The following ESR1 variants were observed in gnomAD, a reference collection of about 807,000 sequenced individuals.
ESR1 encodes estrogen receptor.
Under a neutral mutation model 52.7 loss-of-function variants are expected in ESR1, and 12 were observed. That is an observed-to-expected ratio of 0.23 (90% confidence interval 0.15 to 0.37). The LOEUF is 0.37. Ranked by LOEUF, ESR1 falls within the 10% of genes least tolerant of loss-of-function variation. ESR1 has a pLI of 1.00. For synonymous variants in ESR1, 305 were observed against 316.8 expected (o/e 0.96, Z 0.39); for missense variants, 584 against 779.7 (o/e 0.75, Z 2.99).
At chr6:151,882,629 T>C (rs1292333155) in intron 3 of ESR1, among the ~76,000 whole-genome samples, 1 of 152,164 alleles carries the variant, frequency 6.6e-6, no homozygotes, top group African/African-American at 2.4e-5. Context: ...GGCGATTATA[T>C]GTAGGTTAAG....
At chr6:151,934,872 G>A (rs1250749057) in intron 3 of ESR1, among the ~76,000 whole-genome samples, 1 of 152,152 alleles carries the variant, frequency 6.6e-6, no homozygotes, top group East Asian at 1.9e-4. Context: ...ATCAGTAGAG[G>A]CTCTGGCTTA....
intron 2 of ESR1, among the ~76,000 whole-genome samples, chr6:151,791,598 G>A (rs1443329453): frequency 6.6e-6 from 1 of 152,134 alleles, no homozygotes; most frequent in East Asian, 1.9e-4. Context: ...CATGCTGTGG[G>A]CTGAGCTGGG....
intron 1 of ESR1, among the ~76,000 whole-genome samples, chr6:151,684,570 A>T (rs553638486): frequency 6.6e-6 from 1 of 152,320 alleles, no homozygotes; most frequent in East Asian, 1.9e-4. Context: ...CAAACAAGGG[A>T]TGGAGGCTGG....
At chr6:151,935,114 C>T (rs1187871675) in intron 3 of ESR1, among the ~76,000 whole-genome samples, 1 of 152,168 alleles carries the variant, frequency 6.6e-6, no homozygotes, top group Non-Finnish European at 1.5e-5. Flanking sequence ...ATAGCACCTG[C>T]CTTGTGGCTT....
Position 151,975,450 on chromosome 6 carries a change from G to A in ESR1, c.1096+30942G>A, listed in dbSNP as rs9397073. ...CAGAACCAGTAGGATCAATTGATTG[G>A]TCAATCAATCAATCAAGACAAAAAG... On this transcript the variant is annotated intron_variant, in intron 4 of 7. Coordinates refer to ENST00000206249, the MANE Select transcript of ESR1 (RefSeq NM_000125.4). 6.1e-3 allele frequency among the ~76,000 whole-genome samples: 929 copies of A among 152,034 alleles called. 10 individuals are homozygous for A. The highest frequency in any genetic ancestry group is 0.017 in the African/African-American group (709 of 41,446).
At chr6:151,848,929 C>T (rs1785754642) in intron 2 of ESR1, among the ~76,000 whole-genome samples, 1 of 152,104 alleles carries the variant, frequency 6.6e-6, no homozygotes, top group Admixed American at 6.6e-5. Flanking sequence ...CACTGTACTC[C>T]AGGCACACCA....
intron 3 of ESR1, among the ~76,000 whole-genome samples, chr6:151,908,827 T>G (rs1797832806): frequency 6.6e-6 from 1 of 152,146 alleles, no homozygotes; most frequent in Non-Finnish European, 1.5e-5. Context: ...TGAATGTGTT[T>G]TCTTAAGGCC....
chr6:151,962,688 G>A (rs909107927), intron 4 of ESR1, among the ~76,000 whole-genome samples: 5 of 152,130 alleles, frequency 3.3e-5, no homozygotes, highest in Admixed American at 2.0e-4. Context: ...TTGATCTCTG[G>A]TGTTCTGAAA....
intron 5 of ESR1, among the ~76,000 whole-genome samples, chr6:152,043,866 G>T (rs1330481836): frequency 6.6e-6 from 1 of 152,158 alleles, no homozygotes; most frequent in Non-Finnish European, 1.5e-5. Context: ...ACCTGGCAAG[G>T]CTGTGCACGT....
intron 2 of ESR1, among the ~76,000 whole-genome samples, chr6:151,863,516 T>C (rs1474595961): frequency 6.6e-6 from 1 of 152,226 alleles, no homozygotes; most frequent in African/African-American, 2.4e-5. Context: ...TTTGCTGAAG[T>C]TGCTTATCAG....
intron 1 of ESR1, among the ~76,000 whole-genome samples, chr6:151,700,530 A>G (rs1779690314): frequency 6.6e-6 from 1 of 152,134 alleles, no homozygotes; most frequent in Admixed American, 6.6e-5. Context: ...CTTCTATTTG[A>G]TATGGAAACC....
At chr6:151,913,650 T>C (rs1798620755) in intron 3 of ESR1, among the ~76,000 whole-genome samples, 1 of 152,200 alleles carries the variant, frequency 6.6e-6, no homozygotes, top group Non-Finnish European at 1.5e-5. Flanking sequence ...AAAATGATCT[T>C]TTTTCCCATT....
intron 2 of ESR1, among the ~76,000 whole-genome samples, chr6:151,788,047 TG>T (rs1219502795): frequency 6.6e-6 from 1 of 152,160 alleles, no homozygotes; most frequent in Admixed American, 6.5e-5. Context: ...GACATAGGAA[TG>T]GGCAAAAATT....
chr6:152,031,839 AAAG>A (rs2044739766), intron 5 of ESR1, among the ~76,000 whole-genome samples: 1 of 152,194 alleles, frequency 6.6e-6, no homozygotes, highest in South Asian at 2.1e-4. Flanking sequence ...CACAACAAAA[AAAG>A]AGAATTTTAG....
chr6:151,788,906 A>T (rs1787265900), intron 2 of ESR1, among the ~76,000 whole-genome samples: 1 of 152,200 alleles, frequency 6.6e-6, no homozygotes, highest in Admixed American at 6.5e-5. Flanking sequence ...ACATGATTAG[A>T]ATTCATGGAC....
At chr6:151,889,391 A>G (rs1470683930) in intron 3 of ESR1, among the ~76,000 whole-genome samples, 2 of 152,108 alleles carry the variant, frequency 1.3e-5, no homozygotes, top group African/African-American at 4.8e-5. Context: ...CAGACTTGCT[A>G]GGTTTATGTG....
chr6:152,004,541 T>C (rs994942598), intron 4 of ESR1, among the ~76,000 whole-genome samples: 20 of 152,102 alleles, frequency 1.3e-4, no homozygotes, highest in African/African-American at 4.6e-4. Context: ...CTTCTACTGG[T>C]TTTTATCCTC....
intron 4 of ESR1, among the ~76,000 whole-genome samples, chr6:151,984,648 A>G (rs1312001718): frequency 6.6e-6 from 1 of 151,980 alleles, no homozygotes; most frequent in African/African-American, 2.4e-5. Flanking sequence ...TATTACTTCT[A>G]TGACACTGTT....
At chr6:151,664,358 T>C (rs1582838362) in intron 1 of ESR1, among the ~76,000 whole-genome samples, 1 of 152,368 alleles carries the variant, frequency 6.6e-6, no homozygotes, top group East Asian at 1.9e-4. Flanking sequence ...GATACTGATA[T>C]GATTTCTAGT....
Sources: gnomAD v4.1 joint callset for allele counts (sites outside exome capture counted in the v4.1 genomes callset) on GRCh38, gnomAD v4.1.1 for gene constraint, MANE v1.5 for transcripts, NCBI Gene and HGNC (gene_info 2026-07-23, HGNC 2026-07-21) for gene names.